The following LRRC4C variants were observed in gnomAD, a reference collection of about 807,000 sequenced individuals.
The protein encoded by LRRC4C is leucine rich repeat containing 4C.
LRRC4C carries 5 observed loss-of-function variants against 33.6 expected under a neutral mutation model. That is an observed-to-expected ratio of 0.15 (90% CI 0.08 to 0.31). LRRC4C has a LOEUF of 0.31. Among genes scored for constraint, LRRC4C ranks in the 10% least tolerant of loss-of-function variants. The pLI, the probability that LRRC4C is intolerant of heterozygous loss-of-function variation, is 1.00. For synonymous variants in LRRC4C, 329 were observed against 302.0 expected, an observed-to-expected ratio of 1.09 and a Z score of -0.93; for missense variants, 560 against 796.7, an observed-to-expected ratio of 0.70 and a Z score of 3.58.
Position 40,369,439 on chromosome 11 carries a change from G to A in LRRC4C, c.-269-49718C>T, listed in dbSNP as rs534304383. The stretch of plus-strand genomic sequence containing the variant: ...GGAATCACCGCAAACTCTGCCTCCC[G>A]GGTTCAAGCATTTCTCAGCCTCCTG... On this transcript the variant is annotated intron_variant, in intron 3 of 6. Transcript: ENST00000528697. Among the ~76,000 whole-genome samples, 20 of 152,196 alleles carry A rather than the reference G, an allele frequency of 1.3e-4. 1 individual carries two copies. The East Asian group carries it at 2.7e-3, about 21-fold the overall frequency.
intron 1 of LRRC4C, among the ~76,000 whole-genome samples, chr11:41,392,154 A>G (rs1301824742): frequency 6.6e-6 from 1 of 151,904 alleles, no homozygotes; most frequent in African/African-American, 2.4e-5. Context: ...GGAATTCATG[A>G]TAAGGCACTT....
At chr11:40,748,736 C>G (rs112248487) in intron 2 of LRRC4C, among the ~76,000 whole-genome samples, 2,442 of 152,032 alleles carry the variant, frequency 0.016, 42 homozygotes, top group Non-Finnish European at 0.021. Context: ...CTACTAGAAA[C>G]GCACTTTACC....
intron 1 of LRRC4C, among the ~76,000 whole-genome samples, chr11:41,236,569 T>C (rs1230923144): frequency 6.7e-6 from 1 of 150,208 alleles, no homozygotes; most frequent in African/African-American, 2.5e-5. Flanking sequence ...CCAGTCATTA[T>C]AATTGAAAAA....
intron 3 of LRRC4C, among the ~76,000 whole-genome samples, chr11:40,498,870 CT>C (rs1286614790): frequency 6.6e-6 from 1 of 152,102 alleles, no homozygotes; most frequent in African/African-American, 2.4e-5. Flanking sequence ...GAAAAATAGG[CT>C]TTAAATGATC....
chr11:40,587,766 G>A (rs1207058374), intron 3 of LRRC4C, among the ~76,000 whole-genome samples: 1 of 152,000 alleles, frequency 6.6e-6, no homozygotes, highest in Non-Finnish European at 1.5e-5. Flanking sequence ...CTGTTTATAT[G>A]CTGGATTACA....
At chr11:40,667,915 C>T (rs866346083) in intron 2 of LRRC4C, among the ~76,000 whole-genome samples, 1 of 152,168 alleles carries the variant, frequency 6.6e-6, no homozygotes. Context: ...TTGTGTTAAG[C>T]ACCTACCTTA....
rs1955581778 is a variant in LRRC4C at position 40,889,003 on chromosome 11, T to C, written c.-407+44632A>G. On this transcript the variant is annotated intron_variant, in intron 2 of 6. Coordinates refer to ENST00000528697, the MANE Select transcript of LRRC4C (RefSeq NM_001258419.2). ...ATTATCTTATATAAAGGGTCCTTCC[T>C]TCCTGGAGGGCAATTTGGAAATACC... Among the ~76,000 whole-genome samples, 3 of 152,128 alleles carry C rather than the reference T, an allele frequency of 2.0e-5. No individual in the cohort carries two copies. The South Asian group carries it at 6.2e-4, about 32-fold the overall frequency.
At chr11:40,620,352 C>T (rs1962331529) in intron 3 of LRRC4C, among the ~76,000 whole-genome samples, 1 of 151,724 alleles carries the variant, frequency 6.6e-6, no homozygotes, top group Non-Finnish European at 1.5e-5. Flanking sequence ...GTCTTGGGCT[C>T]TCTTATGCTT....
intron 2 of LRRC4C, among the ~76,000 whole-genome samples, chr11:40,854,691 T>A (rs1005648274): frequency 6.6e-6 from 1 of 151,410 alleles, no homozygotes; most frequent in East Asian, 1.9e-4. Context: ...TTTGTGTAAT[T>A]AAACACAAAT....
chr11:41,233,862 C>T (rs1292012489), intron 1 of LRRC4C, among the ~76,000 whole-genome samples: 1 of 151,864 alleles, frequency 6.6e-6, no homozygotes, highest in Non-Finnish European at 1.5e-5. Flanking sequence ...TTAATTAGTT[C>T]ATAGACTAGT....
At chr11:40,976,966 C>T (rs1047229674) in intron 1 of LRRC4C, among the ~76,000 whole-genome samples, 5 of 151,932 alleles carry the variant, frequency 3.3e-5, no homozygotes, top group South Asian at 2.1e-4. Context: ...TACAACTCAT[C>T]GTAATATTGA....
intron 3 of LRRC4C, among the ~76,000 whole-genome samples, chr11:40,570,285 T>C (rs1289030983): frequency 6.6e-6 from 1 of 152,110 alleles, no homozygotes; most frequent in East Asian, 1.9e-4. Flanking sequence ...AAATCAATAT[T>C]TGCAAGTTAA....
At chr11:40,304,117 C>T (rs763159978) in intron 4 of LRRC4C, among the ~76,000 whole-genome samples, 3 of 152,174 alleles carry the variant, frequency 2.0e-5, no homozygotes, top group Non-Finnish European at 4.4e-5. Context: ...TCAACTATTT[C>T]AGAAGCTCCC....
At chr11:40,714,078 A>G (rs992734826) in intron 2 of LRRC4C, among the ~76,000 whole-genome samples, 2 of 152,142 alleles carry the variant, frequency 1.3e-5, no homozygotes, top group Non-Finnish European at 1.5e-5. Context: ...AATGATCCAT[A>G]TGATGCAGAA....
intron 2 of LRRC4C, among the ~76,000 whole-genome samples, chr11:40,781,951 A>C (rs1950227934): frequency 6.6e-6 from 1 of 152,220 alleles, no homozygotes; most frequent in Non-Finnish European, 1.5e-5. Flanking sequence ...GTGGAATACA[A>C]AAAATGCCAT....
intron 1 of LRRC4C, among the ~76,000 whole-genome samples, chr11:41,303,105 C>CCCTCTCCCTCTA: frequency 7.0e-6 from 1 of 142,094 alleles, no homozygotes; most frequent in Non-Finnish European, 1.5e-5. Flanking sequence ...CTCTCCCTCT[C>CCCTCTCCCTCTA]CCTCTCCCTC....
Position 40,494,704 on chromosome 11 carries a change from G to T in LRRC4C, c.-270+153438C>A, listed in dbSNP as rs72899017. ...AAAAATTTATGATATGTGAAATAAG[G>T]ATTTCTGCTTTCATAGGAGAAGAAG... On this transcript the variant is annotated intron_variant, in intron 3 of 6. Transcript: ENST00000528697. Among the ~76,000 whole-genome samples, 501 of 152,230 alleles carry T rather than the reference G, an allele frequency of 3.3e-3. 2 individuals are homozygous for T. Among genetic ancestry groups the T allele is most frequent in the Non-Finnish European group, 5.5e-3 (373 of 68,012 alleles).
At chr11:41,378,184 G>C (rs537003649) in intron 1 of LRRC4C, among the ~76,000 whole-genome samples, 11 of 152,192 alleles carry the variant, frequency 7.2e-5, no homozygotes, top group Admixed American at 1.3e-4. Context: ...GGTAGGGCAA[G>C]GGGCAAAAGG....
chr11:40,221,884 G>C (rs1010235688), intron 5 of LRRC4C, among the ~76,000 whole-genome samples: 4 of 152,032 alleles, frequency 2.6e-5, no homozygotes, highest in African/African-American at 9.7e-5. Flanking sequence ...CCTTAAAAGG[G>C]ACAGGAATTG....
Sources: gnomAD v4.1 joint callset for allele counts (sites outside exome capture counted in the v4.1 genomes callset) on GRCh38, gnomAD v4.1.1 for gene constraint, MANE v1.5 for transcripts, NCBI Gene and HGNC (gene_info 2026-07-23, HGNC 2026-07-21) for gene names.